RNF2: variants seen among roughly 807,000 people sequenced by gnomAD.
The protein encoded by RNF2 is E3 ubiquitin-protein ligase RING2.
Under a neutral mutation model 37.2 loss-of-function variants are expected in RNF2, and 6 were observed. That is an observed-to-expected ratio of 0.16 (90% CI 0.09 to 0.32). The LOEUF is 0.32. Ranked by LOEUF, RNF2 falls within the 10% of genes least tolerant of loss-of-function variation. The pLI is 1.00. For synonymous variants in RNF2, 133 were observed against 132.7 expected, an observed-to-expected ratio of 1.00 and a Z score of -0.02; for missense variants, 251 against 404.0, an observed-to-expected ratio of 0.62 and a Z score of 3.25.
At chr1:185,056,349 CTTT>C (rs879922852) in intron 1 of RNF2, among the ~76,000 whole-genome samples, 4 of 140,962 alleles carry the variant, frequency 2.8e-5, no homozygotes, top group African/African-American at 5.2e-5. Flanking sequence ...ATCCATCATT[CTTT>C]TTTTTTTTTT....
At chr1:185,057,002 A>G (rs1650452073) in intron 1 of RNF2, among the ~76,000 whole-genome samples, 1 of 151,916 alleles carries the variant, frequency 6.6e-6, no homozygotes, top group Admixed American at 6.6e-5. Flanking sequence ...ATGTAGATCT[A>G]AATTTATGTG....
chr1:185,051,242 G>C (rs1482047571), intron 1 of RNF2, among the ~76,000 whole-genome samples: 1 of 152,176 alleles, frequency 6.6e-6, no homozygotes, highest in East Asian at 1.9e-4. Context: ...TGGGACGGCT[G>C]TCTTGGAACC....
At chr1:185,085,414 G>A (rs1038657240) in intron 1 of RNF2, among the ~76,000 whole-genome samples, 18 of 152,020 alleles carry the variant, frequency 1.2e-4, no homozygotes, top group African/African-American at 3.4e-4. Flanking sequence ...GAGATTACAA[G>A]CGTGAGCCAC....
At chr1:185,059,374 T>C (rs1650533873) in intron 1 of RNF2, among the ~76,000 whole-genome samples, 1 of 152,216 alleles carries the variant, frequency 6.6e-6, no homozygotes, top group South Asian at 2.1e-4. Flanking sequence ...ATCTGTGCCT[T>C]ATTGTAATAT....
intron 1 of RNF2, among the ~76,000 whole-genome samples, chr1:185,072,476 G>A (rs535668752): frequency 6.6e-5 from 10 of 152,192 alleles, no homozygotes; most frequent in African/African-American, 2.4e-4. Flanking sequence ...AGAAAAGAGA[G>A]AACGTGAGAT....
chr1:185,079,649 G>T (rs1297408649), intron 1 of RNF2, among the ~76,000 whole-genome samples: 1 of 152,126 alleles, frequency 6.6e-6, no homozygotes, highest in Non-Finnish European at 1.5e-5. Context: ...CCAATTGTGG[G>T]CTGCTTGTGG....
At chr1:185,059,073 G>A (rs1347176896) in intron 1 of RNF2, among the ~76,000 whole-genome samples, 3 of 152,004 alleles carry the variant, frequency 2.0e-5, no homozygotes, top group Non-Finnish European at 4.4e-5. Flanking sequence ...GAAACCTCTG[G>A]AGCTACTTCT....
At chr1:185,097,062 C>T (rs952051227) in intron 4 of RNF2, among the ~76,000 whole-genome samples, 2 of 152,140 alleles carry the variant, frequency 1.3e-5, no homozygotes, top group African/African-American at 4.8e-5. Context: ...AGCTCTAGTT[C>T]TGGCACTTAT....
chr1:185,090,708 A>G (rs1047554002), intron 2 of RNF2, among the ~76,000 whole-genome samples: 10 of 152,250 alleles, frequency 6.6e-5, no homozygotes, highest in African/African-American at 2.4e-4. Flanking sequence ...AATTCTCGCC[A>G]TACTAGAACT....
chr1:185,052,949 T>C (rs1440870787), intron 1 of RNF2, among the ~76,000 whole-genome samples: 1 of 152,234 alleles, frequency 6.6e-6, no homozygotes, highest in African/African-American at 2.4e-5. Flanking sequence ...ATAGGTACTT[T>C]ACATCTAAAA....
At chr1:185,099,051 C>CT (rs1345375710) in intron 5 of RNF2, among the ~76,000 whole-genome samples, 1,313 of 124,682 alleles carry the variant, frequency 0.011, 12 homozygotes, top group African/African-American at 0.027. Context: ...TGCCCGGCCT[C>CT]TTTTTTTTTT....
At chr1:185,077,625 G>GTTTTTTTTTTTTTTTTTTTTTTTT (rs528747420) in intron 1 of RNF2, among the ~76,000 whole-genome samples, 3 of 115,696 alleles carry the variant, frequency 2.6e-5, no homozygotes, top group African/African-American at 9.8e-5. Context: ...AATTAACTTT[G>GTTTTTTTTTTTTTTTTTTTTTTTT]TTTTTTTTTT....
At chr1:185,056,714 G>A (rs1366218013) in intron 1 of RNF2, among the ~76,000 whole-genome samples, 1 of 138,124 alleles carries the variant, frequency 7.2e-6, no homozygotes, top group African/African-American at 2.7e-5. Flanking sequence ...TTTAATCCCT[G>A]TGTTCAATAT....
At chr1:185,049,008 A>C (rs1485698456) in intron 1 of RNF2, among the ~76,000 whole-genome samples, 1 of 152,134 alleles carries the variant, frequency 6.6e-6, no homozygotes, top group Non-Finnish European at 1.5e-5. Flanking sequence ...TAGGTGGATC[A>C]CGAGGTCAAG....
intron 1 of RNF2, chr1:185,046,239 C>T (rs1173556517): frequency 2.0e-5 from 3 of 152,300 alleles, no homozygotes; most frequent in Non-Finnish European, 4.4e-5. Context: ...TTCAGCTTCA[C>T]ACATTCCTGG....
intron 1 of RNF2, among the ~76,000 whole-genome samples, chr1:185,076,976 T>A (rs1557967781): frequency 6.6e-6 from 1 of 152,202 alleles, no homozygotes; most frequent in Admixed American, 6.5e-5. Flanking sequence ...TCAGTTCAGA[T>A]CCTCTTTAAT....
chr1:185,100,063 C>A, intron 6 of RNF2, 101 bp downstream of exon 6: 4 of 1,278,052 alleles, frequency 3.1e-6, no homozygotes, highest in East Asian at 2.4e-5. Flanking sequence ...TGTAAAAAAC[C>A]GTAACAGTGT....
chr1:185,092,915 GA>G, intron 3 of RNF2, 145 bp from the exon 4 acceptor site: 1 of 758,968 alleles, frequency 1.3e-6, no homozygotes, highest in Non-Finnish European at 2.1e-6. Context: ...GATTTTCAAG[GA>G]AATTCAGGAT....
chr1:185,048,386 A>G (rs1353304768), intron 1 of RNF2, among the ~76,000 whole-genome samples: 1 of 152,172 alleles, frequency 6.6e-6, no homozygotes, highest in African/African-American at 2.4e-5. Context: ...ATCTTGTTGG[A>G]TGCTCAAGGA....
Sources: gnomAD v4.1 joint callset for allele counts (sites outside exome capture counted in the v4.1 genomes callset) on GRCh38, gnomAD v4.1.1 for gene constraint, MANE v1.5 for transcripts, NCBI Gene and HGNC (gene_info 2026-07-23, HGNC 2026-07-21) for gene names.